PLXDC2: variants seen among roughly 807,000 people sequenced by gnomAD.
PLXDC2 encodes the protein plexin domain containing 2.
In PLXDC2, 40 loss-of-function variants were observed where a neutral mutation model predicts 68.9. The observed-to-expected ratio is 0.58, with a 90% CI of 0.45 to 0.76. The LOEUF (loss-of-function observed/expected upper bound fraction) is 0.76. Among genes scored for constraint, PLXDC2 ranks in the 30% least tolerant of loss-of-function variants. PLXDC2 has a pLI of 0.00. For synonymous variants in PLXDC2, 243 were observed against 234.2 expected (o/e 1.04, Z -0.34); for missense variants, 644 against 661.9 (o/e 0.97, Z 0.30).
intron 1 of PLXDC2, among the ~76,000 whole-genome samples, chr10:19,959,429 C>T (rs1834121652): frequency 6.6e-6 from 1 of 152,134 alleles, no homozygotes. Flanking sequence ...GAAAAGAAAA[C>T]AGCAAGTATT....
intron 13 of PLXDC2, among the ~76,000 whole-genome samples, chr10:20,270,621 T>C (rs67657819): frequency 0.26 from 39,003 of 151,848 alleles, 5,268 homozygotes; most frequent in African/African-American, 0.34. Flanking sequence ...CTTGGCTCAC[T>C]GCAATCTCCG....
intron 6 of PLXDC2, among the ~76,000 whole-genome samples, chr10:20,149,462 C>T (rs945682804): frequency 8.6e-5 from 13 of 152,020 alleles, no homozygotes; most frequent in Non-Finnish European, 1.5e-4. Context: ...TGGTCTTGAA[C>T]GCCCTACCTC....
At chr10:20,038,412 C>A (rs911311433) in intron 2 of PLXDC2, among the ~76,000 whole-genome samples, 4 of 152,014 alleles carry the variant, frequency 2.6e-5, no homozygotes, top group African/African-American at 9.7e-5. Context: ...AAAAGATGTG[C>A]ATAATGAGAG....
At chr10:20,102,275 A>G (rs1744967530) in intron 4 of PLXDC2, among the ~76,000 whole-genome samples, 1 of 152,228 alleles carries the variant, frequency 6.6e-6, no homozygotes, top group South Asian at 2.1e-4. Flanking sequence ...AACATCTTAC[A>G]TATATTGATT....
chr10:19,819,514 C>T (rs532512217), intron 1 of PLXDC2, among the ~76,000 whole-genome samples: 2 of 152,298 alleles, frequency 1.3e-5, no homozygotes, highest in African/African-American at 4.8e-5. Context: ...TGACGTTTGT[C>T]ATGCAACAAT....
chr10:20,258,621 A>G (rs1835772391), intron 13 of PLXDC2, among the ~76,000 whole-genome samples: 1 of 152,092 alleles, frequency 6.6e-6, no homozygotes, highest in African/African-American at 2.4e-5. Flanking sequence ...TATAGCAAAG[A>G]CTTTGTTTAA....
intron 1 of PLXDC2, among the ~76,000 whole-genome samples, chr10:19,843,563 A>T (rs1021040881): frequency 6.6e-6 from 1 of 152,212 alleles, no homozygotes; most frequent in African/African-American, 2.4e-5. Context: ...AAATAACTAA[A>T]TGTGGTGTAT....
At chr10:20,003,212 G>A (rs1834971333) in intron 2 of PLXDC2, among the ~76,000 whole-genome samples, 2 of 152,200 alleles carry the variant, frequency 1.3e-5, no homozygotes, top group Non-Finnish European at 1.5e-5. Context: ...AAGTAAACTT[G>A]GGCAAAAAAG....
At chr10:20,260,224 A>T (rs1019410588) in intron 13 of PLXDC2, among the ~76,000 whole-genome samples, 2 of 152,182 alleles carry the variant, frequency 1.3e-5, no homozygotes, top group African/African-American at 4.8e-5. Flanking sequence ...CTATGCCCTT[A>T]ACATATTTTC....
chr10:19,840,913 T>G (rs903618390), intron 1 of PLXDC2, among the ~76,000 whole-genome samples: 9 of 152,218 alleles, frequency 5.9e-5, no homozygotes, highest in African/African-American at 2.2e-4. Context: ...ATTATGACAG[T>G]GAAACAGATG....
chr10:19,925,745 C>T (rs1468458601), intron 1 of PLXDC2, among the ~76,000 whole-genome samples: 1 of 152,182 alleles, frequency 6.6e-6, no homozygotes, highest in African/African-American at 2.4e-5. Context: ...GTTGACTTTT[C>T]TGTTTAGAAT....
chr10:20,119,787 G>T (rs1439760621), intron 4 of PLXDC2, among the ~76,000 whole-genome samples: 1 of 151,772 alleles, frequency 6.6e-6, no homozygotes, highest in African/African-American at 2.4e-5. Context: ...AAGATTTTGT[G>T]GTAAGGGGTG....
chr10:19,927,800 CTTCTT>C (rs1486330449), intron 1 of PLXDC2, among the ~76,000 whole-genome samples: 1 of 141,844 alleles, frequency 7.1e-6, no homozygotes, highest in African/African-American at 2.6e-5. Flanking sequence ...ATGTCACTAA[CTTCTT>C]TTATATACAT....
chr10:19,850,614 G>T (rs2131325868), intron 1 of PLXDC2, among the ~76,000 whole-genome samples: 1 of 152,246 alleles, frequency 6.6e-6, no homozygotes, highest in Middle Eastern at 3.4e-3. Context: ...CCCATACTAA[G>T]AGACTCTAAA....
chr10:19,857,049 G>A (rs1320037112), intron 1 of PLXDC2, among the ~76,000 whole-genome samples: 2 of 152,070 alleles, frequency 1.3e-5, no homozygotes, highest in African/African-American at 4.8e-5. Flanking sequence ...CAGATGTTCA[G>A]CCATGCCCTT....
intron 2 of PLXDC2, 32 bp from the exon 3 acceptor site, chr10:20,046,837 T>C: frequency 6.4e-7 from 1 of 1,561,222 alleles, no homozygotes; most frequent in East Asian, 2.3e-5. Flanking sequence ...AACATCTCGG[T>C]TCTTGATATA....
chr10:19,987,235 C>T (rs571835808), intron 1 of PLXDC2, among the ~76,000 whole-genome samples: 1 of 152,268 alleles, frequency 6.6e-6, no homozygotes, highest in East Asian at 1.9e-4. Flanking sequence ...TTCGATCAGC[C>T]TTTTCCAGAG....
intron 13 of PLXDC2, among the ~76,000 whole-genome samples, chr10:20,270,044 A>C (rs1370242238): frequency 1.3e-5 from 2 of 150,280 alleles, no homozygotes; most frequent in Admixed American, 6.6e-5. Flanking sequence ...AAATAAAATA[A>C]AATAAAATAA....
chr10:20,201,613 G>C (rs1443803646), intron 9 of PLXDC2, among the ~76,000 whole-genome samples: 3 of 151,766 alleles, frequency 2.0e-5, no homozygotes, highest in Non-Finnish European at 2.9e-5. Context: ...CAAATAGTTA[G>C]AAGGAGAATA....
Sources: allele counts gnomAD v4.1 joint callset (sites outside exome capture counted in the v4.1 genomes callset), GRCh38; gene constraint gnomAD v4.1.1; transcripts MANE v1.5; gene names NCBI Gene and HGNC (gene_info 2026-07-23, HGNC 2026-07-21).